Variants in MYLK4 observed in about 807,000 individuals in gnomAD.
The protein encoded by MYLK4 is myosin light chain kinase family member 4.
MYLK4 carries 46 observed loss-of-function variants against 48.1 expected under a neutral mutation model. The observed-to-expected ratio is 0.96, with a 90% confidence interval of 0.75 to 1.22. MYLK4 has a LOEUF of 1.22. MYLK4 is among the 50% of genes most tolerant of loss of function. MYLK4 has a pLI of 0.00. For synonymous variants in MYLK4, 170 were observed against 180.8 expected (o/e 0.94, Z 0.48); for missense variants, 451 against 486.1 (o/e 0.93, Z 0.68).
At chr6:2,676,466 T>C (rs950804343) in intron 10 of MYLK4, among the ~76,000 whole-genome samples, 6 of 152,254 alleles carry the variant, frequency 3.9e-5, no homozygotes, top group African/African-American at 1.4e-4. Flanking sequence ...ATGATGATTC[T>C]GTACTCTAGT....
At chr6:2,681,133 C>A (rs761335776) in intron 7 of MYLK4, among the ~76,000 whole-genome samples, 13 of 152,106 alleles carry the variant, frequency 8.5e-5, no homozygotes, top group Non-Finnish European at 1.8e-4. Context: ...AGTTAAGAAC[C>A]CTCAGTCCCA....
At chr6:2,677,194 G>C (rs1482503239) in intron 10 of MYLK4, among the ~76,000 whole-genome samples, 1 of 152,026 alleles carries the variant, frequency 6.6e-6, no homozygotes, top group Non-Finnish European at 1.5e-5. Context: ...CCTTTTATTA[G>C]ATGGTGAGTT....
intron 2 of MYLK4, chr6:2,744,275 G>A (rs1226427661): frequency 2.9e-6 from 1 of 345,994 alleles, no homozygotes; most frequent in Non-Finnish European, 5.2e-6. Flanking sequence ...TGAAACAGGT[G>A]TAGGGGCATT....
Position 2,685,631 on chromosome 6 carries a change from G to A in MYLK4, c.342-55C>T. On this transcript the variant is annotated intron_variant, in intron 4 of 12. Transcript: ENST00000274643. This position sits in a 1 kb window ranked among gnomAD's most constrained non-coding sequence, Gnocchi z 4.5. ...AGGCCCTGTGGTCAGCTGCCGAGTGGACAGCGCACAGTGGCCCCAGTATTT... is the reference window on the plus strand; with the variant it reads ...AGGCCCTGTGGTCAGCTGCCGAGTGAACAGCGCACAGTGGCCCCAGTATTT... The A allele has an allele frequency of 6.5e-7, 1 of 1,528,540 alleles. No individual in the cohort carries two copies. 94.7% of individuals were successfully genotyped at this position (1,528,540 alleles called of 1,614,324 possible). A position where few individuals can be genotyped will look rare whatever the true frequency, so the allele number is the denominator to read the frequency against.
intron 2 of MYLK4, among the ~76,000 whole-genome samples, chr6:2,730,964 T>C (rs1428478914): frequency 6.6e-6 from 1 of 152,112 alleles, no homozygotes; most frequent in South Asian, 2.1e-4. Flanking sequence ...TCCAAAAATA[T>C]CCTGGCAGTT....
chr6:2,731,240 T>A (rs1763468569), intron 2 of MYLK4, among the ~76,000 whole-genome samples: 1 of 149,214 alleles, frequency 6.7e-6, no homozygotes, highest in South Asian at 2.1e-4. Flanking sequence ...ACTGCTAGAA[T>A]GAACTTTTAG....
chr6:2,765,588 G>C, the MYLK4 span: 1 of 1,462,272 alleles, frequency 6.8e-7, no homozygotes, highest in Non-Finnish European at 9.0e-7. Flanking sequence ...GGGTTGCTGC[G>C]GCCGCGCCGG....
At chr6:2,716,031 TA>T (rs1356077527) in intron 2 of MYLK4, among the ~76,000 whole-genome samples, 1 of 142,362 alleles carries the variant, frequency 7.0e-6, no homozygotes. Flanking sequence ...ATTTTTTTTT[TA>T]AACTCTAGTA....
Position 2,692,876 on chromosome 6 carries a change from G to C in MYLK4, c.160-17C>G. On this transcript the variant is annotated splice_polypyrimidine_tract_variant and intron_variant, in intron 2 of 12. Transcript: ENST00000274643. ...CTCCTTCGCCTGTGGAGGCACAATT[G>C]AGTAATTGAAGTTACATATCACATC... 1.2e-6 allele frequency: 2 copies of C among 1,609,172 alleles called. No individual in the cohort carries two copies. The highest frequency in any genetic ancestry group is 1.7e-5 in the Admixed American group (1 of 59,688).
At chr6:2,711,428 C>T (rs1762669377) in intron 2 of MYLK4, among the ~76,000 whole-genome samples, 1 of 152,238 alleles carries the variant, frequency 6.6e-6, no homozygotes, top group Non-Finnish European at 1.5e-5. Flanking sequence ...CCTTCACACT[C>T]AGGTGGTTCC....
rs1761163235 is a variant in MYLK4, at chr6:2,678,362, A to G, written c.898T>C (p.Leu300=). The G allele has an allele frequency of 3.7e-6, 6 of 1,613,478 alleles. No individual in the cohort carries two copies. The highest frequency in any genetic ancestry group is 5.1e-6 in the Non-Finnish European group (6 of 1,179,578). The change falls in exon 10 of 13, where the codon TTG becomes CTG. Residue 300 remains leucine (L), a synonymous_variant. Coordinates refer to ENST00000274643, the MANE Select transcript of MYLK4 (RefSeq NM_001012418.5). ...TCATTGTCACCCAGGAAAGGCGACA[A>G]ACCGCTAAGTCTGGAGGACACGGGG... ...GVIAYMLLSG[L]SPFLGDNDAE...
chr6:2,703,665 C>CTTTTTT (rs3055234), intron 2 of MYLK4, among the ~76,000 whole-genome samples: 3,827 of 94,784 alleles, frequency 0.04, 501 homozygotes, highest in African/African-American at 0.093. Context: ...TTTGTGAATT[C>CTTTTTT]TTTTTTTTTT....
chr6:2,742,504 G>T (rs1402801128), intron 2 of MYLK4, among the ~76,000 whole-genome samples: 1 of 151,088 alleles, frequency 6.6e-6, no homozygotes, highest in African/African-American at 2.4e-5. Flanking sequence ...TTAAGAAAAT[G>T]TGGCACATAT....
Position 2,667,512 on chromosome 6 carries a change from C to T in MYLK4, c.*413G>A, listed in dbSNP as rs1166537481. The T allele has an allele frequency of 6.6e-6, 1 of 152,284 alleles. No individual in the cohort carries two copies. The highest frequency in any genetic ancestry group is 2.4e-5 in the African/African-American group (1 of 41,408). The allele number at this position is 152,284 out of a possible 1,614,324, so 9.4% of individuals were successfully genotyped here. On this transcript the variant is annotated 3_prime_UTR_variant, in exon 13 of 13. Transcript: ENST00000274643. ...TCTAATGGCTGGAAGTAGCTTTCTC[C>T]CTCTAAATGCATCCTCCAGTTTTAA...
chr6:2,702,165 G>A (rs2113217374), intron 2 of MYLK4, among the ~76,000 whole-genome samples: 1 of 152,266 alleles, frequency 6.6e-6, no homozygotes, highest in Non-Finnish European at 1.5e-5. Context: ...GGAAGAGCAT[G>A]CATAACTAGG....
chr6:2,710,238 C>T (rs1033475414), intron 2 of MYLK4, among the ~76,000 whole-genome samples: 4 of 152,114 alleles, frequency 2.6e-5, no homozygotes. Context: ...GAAATTGATC[C>T]CCCAACATTG....
chr6:2,685,878 T>C lies in MYLK4; in HGVS notation c.342-302A>G, dbSNP rs1255689399. Among the ~76,000 whole-genome samples the C allele has an allele frequency of 2.0e-5, 3 of 151,816 alleles. No homozygotes were observed. Among genetic ancestry groups the C allele is most frequent in the Non-Finnish European group, 4.4e-5 (3 of 67,950 alleles). On this transcript the variant is annotated intron_variant, in intron 4 of 12. Transcript: ENST00000274643. This position sits in a 1 kb window ranked among gnomAD's most constrained non-coding sequence, Gnocchi z 4.5. ...GAGGTCAGGACCAGTCTGGCCAACA[T>C]AGTGAAACCCCATCTCTGCTAAAAA... is the stretch of plus-strand genomic sequence containing the variant.
chr6:2,749,089 A>C, intron 2 of MYLK4, 47 bp downstream of exon 2: 1 of 1,554,234 alleles, frequency 6.4e-7, no homozygotes, highest in Non-Finnish European at 8.7e-7. Context: ...TAGAAAAGAT[A>C]AGATAGAATG....
At chr6:2,738,370 C>T (rs1034163426) in intron 2 of MYLK4, among the ~76,000 whole-genome samples, 3 of 152,208 alleles carry the variant, frequency 2.0e-5, no homozygotes, top group African/African-American at 7.2e-5. Flanking sequence ...TTAGAGCATG[C>T]TGGCAAACTG....
Sources: gnomAD v4.1 joint callset for allele counts (sites outside exome capture counted in the v4.1 genomes callset) on GRCh38, gnomAD v4.1.1 for gene constraint, Gnocchi (gnomAD v3.1) non-coding constraint, MANE v1.5 for transcripts, NCBI Gene and HGNC (gene_info 2026-07-23, HGNC 2026-07-21) for gene names.